RAB3C: variants seen among roughly 807,000 people sequenced by gnomAD.
The protein encoded by RAB3C is ras-related protein Rab-3C.
Under a neutral mutation model 26.4 loss-of-function variants are expected in RAB3C, and 17 were observed. That is an observed-to-expected ratio of 0.64 (90% CI 0.44 to 0.97). The LOEUF (loss-of-function observed/expected upper bound fraction) is 0.97, where lower values mean the gene tolerates loss of function less well. RAB3C is among the 50% of genes least tolerant of loss of function. The pLI, the probability that RAB3C is intolerant of heterozygous loss-of-function variation, is 0.00. For synonymous variants in RAB3C, 91 were observed against 95.9 expected (o/e 0.95, Z 0.30); for missense variants, 242 against 281.9 (o/e 0.86, Z 1.01).
At chr5:58,755,394 G>A (rs1434717659) in intron 3 of RAB3C, among the ~76,000 whole-genome samples, 1 of 152,178 alleles carries the variant, frequency 6.6e-6, no homozygotes, top group African/African-American at 2.4e-5. Context: ...TACACTTTGT[G>A]TAATGTGTAT....
chr5:58,696,406 A>T (rs1262093724), intron 2 of RAB3C, among the ~76,000 whole-genome samples: 4 of 152,186 alleles, frequency 2.6e-5, no homozygotes, highest in African/African-American at 7.2e-5. Flanking sequence ...TATCTCTGCC[A>T]GACCTTGGTA....
chr5:58,707,901 GA>G (rs1322047859), intron 2 of RAB3C, among the ~76,000 whole-genome samples: 3 of 152,052 alleles, frequency 2.0e-5, no homozygotes, highest in Non-Finnish European at 4.4e-5. Context: ...GGTTCCAAAA[GA>G]GAAGAAACCC....
At chr5:58,632,819 C>A (rs559806975) in intron 2 of RAB3C, among the ~76,000 whole-genome samples, 2 of 152,326 alleles carry the variant, frequency 1.3e-5, no homozygotes, top group East Asian at 3.9e-4. Flanking sequence ...CTCTCCATGA[C>A]TGAATACAGT....
chr5:58,737,912 T>C (rs536045982), intron 3 of RAB3C, among the ~76,000 whole-genome samples: 1 of 148,218 alleles, frequency 6.7e-6, no homozygotes, highest in Non-Finnish European at 1.5e-5. Flanking sequence ...AAAAAAAAAA[T>C]GTCTTATCTT....
At chr5:58,694,602 CCTGA>C (rs1283264517) in intron 2 of RAB3C, among the ~76,000 whole-genome samples, 4 of 152,190 alleles carry the variant, frequency 2.6e-5, no homozygotes, top group Non-Finnish European at 5.9e-5. Flanking sequence ...TCTGTTGTTT[CCTGA>C]CTTTTTAGTG....
At chr5:58,587,046 G>A (rs72760227) in intron 1 of RAB3C, among the ~76,000 whole-genome samples, 3,702 of 152,146 alleles carry the variant, frequency 0.024, 53 homozygotes, top group Middle Eastern at 0.044. Flanking sequence ...ATTGACTTTA[G>A]AGAAATGAGA....
intron 3 of RAB3C, among the ~76,000 whole-genome samples, chr5:58,762,539 A>G (rs1231519322): frequency 2.0e-5 from 3 of 152,102 alleles, no homozygotes; most frequent in Non-Finnish European, 4.4e-5. Flanking sequence ...CTAAAAATAC[A>G]AAAATTAGCT....
At chr5:58,596,837 T>TATATATAAATATA (rs1746284561) in intron 1 of RAB3C, among the ~76,000 whole-genome samples, 3 of 88,304 alleles carry the variant, frequency 3.4e-5, no homozygotes, top group Non-Finnish European at 5.8e-5. Context: ...TATATAAATT[T>TATATATAAATATA]ATAATATATA....
intron 2 of RAB3C, among the ~76,000 whole-genome samples, chr5:58,718,604 A>G (rs1404031001): frequency 2.6e-5 from 4 of 152,070 alleles, no homozygotes; most frequent in African/African-American, 9.7e-5. Context: ...TGGTATTTCA[A>G]AACTAAACAT....
In RAB3C at chr5:58,828,901, C is replaced by CTTTTTTTTTTTTTTT. The variant is rs762653092; in HGVS notation, c.496+3746_496+3760dup. Reference sequence around the variant, plus strand: ...CTATAGCTGGTGTTATTTTACCATGCTTTTTTTTTTTTTTTTTTTTTGGAT... The same window carrying CTTTTTTTTTTTTTTT: ...CTATAGCTGGTGTTATTTTACCATGCTTTTTTTTTTTTTTTTTTTTTTTTTTTTTTTTTTTTGGAT... On this transcript the variant is annotated intron_variant, in intron 4 of 4. Coordinates refer to ENST00000282878, the MANE Select transcript of RAB3C (RefSeq NM_138453.4). 2.5e-5 allele frequency among the ~76,000 whole-genome samples: 3 copies of CTTTTTTTTTTTTTTT among 122,446 alleles called. 1 individual carries two copies. The highest frequency in any genetic ancestry group is 5.2e-5 in the Non-Finnish European group (3 of 57,840). 80.3% of individuals were successfully genotyped at this position (122,446 alleles called of 152,430 possible).
At chr5:58,739,323 T>A (rs1009741800) in intron 3 of RAB3C, among the ~76,000 whole-genome samples, 18 of 152,206 alleles carry the variant, frequency 1.2e-4, no homozygotes, top group Admixed American at 7.2e-4. Context: ...TGAGTCTAAA[T>A]TGATACGACC....
chr5:58,737,568 G>T (rs1338448431), intron 3 of RAB3C, among the ~76,000 whole-genome samples: 1 of 151,144 alleles, frequency 6.6e-6, no homozygotes, highest in East Asian at 1.9e-4. Flanking sequence ...ATAGTCCCTG[G>T]CATGTACTAG....
intron 1 of RAB3C, among the ~76,000 whole-genome samples, chr5:58,611,262 G>A (rs565068421): frequency 1.5e-5 from 2 of 136,382 alleles, no homozygotes; most frequent in African/African-American, 5.1e-5. Context: ...GAGATCGCTG[G>A]GTCTAATGGC....
chr5:58,614,214 A>T (rs986908838), intron 1 of RAB3C, among the ~76,000 whole-genome samples: 4 of 152,056 alleles, frequency 2.6e-5, no homozygotes, highest in African/African-American at 9.7e-5. Context: ...CCCCATGAAA[A>T]TTTTGAGAAT....
At chr5:58,790,210 T>A (rs1742490244) in intron 3 of RAB3C, among the ~76,000 whole-genome samples, 2 of 152,204 alleles carry the variant, frequency 1.3e-5, no homozygotes, top group Non-Finnish European at 2.9e-5. Context: ...TGATATTTTT[T>A]AATGCCAAAC....
chr5:58,626,568 G>A (rs442414), intron 2 of RAB3C, among the ~76,000 whole-genome samples: 29,054 of 152,010 alleles, frequency 0.19, 3,073 homozygotes, highest in Admixed American at 0.28. Context: ...TAAGATTTGT[G>A]GATATTATGA....
chr5:58,640,032 T>C (rs1275903792), intron 2 of RAB3C, among the ~76,000 whole-genome samples: 1 of 152,196 alleles, frequency 6.6e-6, no homozygotes, highest in Non-Finnish European at 1.5e-5. Flanking sequence ...GCTTACTACA[T>C]AAAGGGAATC....
intron 2 of RAB3C, among the ~76,000 whole-genome samples, chr5:58,669,268 A>C (rs1748064827): frequency 6.6e-6 from 1 of 152,114 alleles, no homozygotes; most frequent in Admixed American, 6.6e-5. Flanking sequence ...TTTTGCTAAA[A>C]CCAAATCCCT....
intron 2 of RAB3C, among the ~76,000 whole-genome samples, chr5:58,669,956 G>A (rs141927537): frequency 1.8e-4 from 27 of 152,186 alleles, no homozygotes; most frequent in East Asian, 1.7e-3. Flanking sequence ...TCTCATTCCC[G>A]TTTGTTTTGA....
Sources: allele counts gnomAD v4.1 joint callset (sites outside exome capture counted in the v4.1 genomes callset), GRCh38; gene constraint gnomAD v4.1.1; transcripts MANE v1.5; gene names NCBI Gene and HGNC (gene_info 2026-07-23, HGNC 2026-07-21).